The following DCDC2 variants were observed in gnomAD, a reference collection of about 807,000 sequenced individuals.
The protein encoded by DCDC2 is doublecortin domain containing 2, also known as doublecortin domain-containing protein 2.
A neutral mutation model predicts 50.2 loss-of-function variants in DCDC2; 40 were observed. The ratio of observed to expected loss-of-function variants is 0.80; its 90% CI spans 0.62 to 1.04. The LOEUF (loss-of-function observed/expected upper bound fraction) is 1.04. DCDC2 is among the 50% of genes least tolerant of loss of function. The pLI, the probability that DCDC2 is intolerant of heterozygous loss-of-function variation, is 0.00. For synonymous variants in DCDC2, 234 were observed against 210.6 expected, an observed-to-expected ratio of 1.11 and a Z score of -0.96; for missense variants, 570 against 581.9, an observed-to-expected ratio of 0.98 and a Z score of 0.21.
chr6:24,370,950 G>C, the DCDC2 span, among the ~76,000 whole-genome samples: 3 of 152,028 alleles, frequency 2.0e-5, no homozygotes, highest in African/African-American at 7.2e-5. Flanking sequence ...CTACAAACTG[G>C]AAGGTGATAT....
intron 8 of DCDC2, among the ~76,000 whole-genome samples, chr6:24,181,543 T>C: frequency 6.6e-6 from 1 of 152,012 alleles, no homozygotes; most frequent in East Asian, 1.9e-4. Context: ...ACACTAACAA[T>C]GAACAATCTG....
At chr6:24,255,838 T>TG (rs1762888258) in intron 7 of DCDC2, among the ~76,000 whole-genome samples, 2 of 152,154 alleles carry the variant, frequency 1.3e-5, no homozygotes, top group African/African-American at 4.8e-5. Context: ...ATGACCTCTT[T>TG]GGAACAGTGT....
intron 7 of DCDC2, among the ~76,000 whole-genome samples, chr6:24,273,050 T>C (rs2994542): frequency 0.8 from 121,415 of 152,102 alleles, 49,117 homozygotes; most frequent in East Asian, 0.95. Context: ...GGTATGTGTA[T>C]ATAGATGTAG....
chr6:24,174,448 CCTTTA>C lies in DCDC2; in HGVS notation c.*277_*281del, dbSNP rs1374306457. On this transcript the variant is annotated 3_prime_UTR_variant, in exon 10 of 10. Transcript: ENST00000378454. ...CAATAAGAGTGATCCTATTTTTCAT[CCTTTA>C]CAAGTGGCAATTGTCTTCCAGTGCA... The C allele has an allele frequency of 1.9e-5, 4 of 206,818 alleles. No individual in the cohort carries two copies. Among genetic ancestry groups the C allele is most frequent in the Non-Finnish European group, 3.5e-5 (4 of 115,060 alleles). The allele number at this position is 206,818 out of a possible 1,614,324, so 12.8% of individuals were successfully genotyped here. A position where few individuals can be genotyped will look rare whatever the true frequency, so the allele number is the denominator to read the frequency against.
intron 7 of DCDC2, among the ~76,000 whole-genome samples, chr6:24,245,990 A>ATTTATT (rs967788810): frequency 6.6e-6 from 1 of 152,200 alleles, no homozygotes; most frequent in African/African-American, 2.4e-5. Context: ...TAGATTTTTT[A>ATTTATT]TTTATTTTTA....
the DCDC2 span, among the ~76,000 whole-genome samples, chr6:24,377,579 C>G: frequency 6.6e-6 from 1 of 152,094 alleles, no homozygotes; most frequent in Non-Finnish European, 1.5e-5. Flanking sequence ...TACTCAAAAC[C>G]TGATTTTGAA....
intron 8 of DCDC2, among the ~76,000 whole-genome samples, chr6:24,202,724 A>G (rs1761614412): frequency 6.6e-6 from 1 of 152,214 alleles, no homozygotes; most frequent in South Asian, 2.1e-4. Flanking sequence ...ATGATTGTAT[A>G]TCTAGAAAAC....
chr6:24,329,285 T>C (rs1326529140), intron 2 of DCDC2, among the ~76,000 whole-genome samples: 1 of 152,186 alleles, frequency 6.6e-6, no homozygotes, highest in Non-Finnish European at 1.5e-5. Context: ...TTAACCCTCA[T>C]TCCCTTTGCA....
At chr6:24,320,592 A>T (rs1309968193) in intron 2 of DCDC2, among the ~76,000 whole-genome samples, 1 of 152,218 alleles carries the variant, frequency 6.6e-6, no homozygotes, top group Non-Finnish European at 1.5e-5. Flanking sequence ...TTGGCATCCC[A>T]AAGTGCTGGG....
At chr6:24,274,852 TA>T (rs1187816045) in intron 7 of DCDC2, among the ~76,000 whole-genome samples, 1 of 151,938 alleles carries the variant, frequency 6.6e-6, no homozygotes, top group East Asian at 1.9e-4. Context: ...ACTATATAGG[TA>T]AAGAACACTA....
chr6:24,305,564 G>A (rs1330272596), intron 2 of DCDC2, among the ~76,000 whole-genome samples: 1 of 152,150 alleles, frequency 6.6e-6, no homozygotes, highest in Admixed American at 6.5e-5. Flanking sequence ...CAAATCAACT[G>A]GGTATAAGAG....
chr6:24,375,256 G>A, the DCDC2 span, among the ~76,000 whole-genome samples: 1,420 of 152,202 alleles, frequency 9.3e-3, 25 homozygotes, highest in African/African-American at 0.031. Flanking sequence ...CAGAGGCCCC[G>A]TTAGAGTGCA....
chr6:24,339,033 T>C (rs2185598), intron 2 of DCDC2, among the ~76,000 whole-genome samples: 4 of 73,080 alleles, frequency 5.5e-5, no homozygotes, highest in Non-Finnish European at 1.0e-4. Context: ...ATCTCTCACA[T>C]AGTTCCATTC....
chr6:24,300,375 C>T (rs1427700970), intron 4 of DCDC2, among the ~76,000 whole-genome samples: 1 of 152,146 alleles, frequency 6.6e-6, no homozygotes, highest in Non-Finnish European at 1.5e-5. Flanking sequence ...CAGCGAGACC[C>T]TGTCTCAAAA....
At chr6:24,224,596 G>A (rs1762189211) in intron 7 of DCDC2, among the ~76,000 whole-genome samples, 1 of 152,200 alleles carries the variant, frequency 6.6e-6, no homozygotes, top group African/African-American at 2.4e-5. Context: ...TGGGGTGGCA[G>A]AAGCCGGAAG....
chr6:24,236,498 G>A (rs1166473961), intron 7 of DCDC2, among the ~76,000 whole-genome samples: 1 of 152,178 alleles, frequency 6.6e-6, no homozygotes, highest in Non-Finnish European at 1.5e-5. Context: ...AAGAATTTAT[G>A]GCTAAATCCT....
At chr6:24,359,512 T>TTTTATATATATTATATATTTATA (rs1760619397), upstream of DCDC2, among the ~76,000 whole-genome samples, 3 of 103,364 alleles carry the variant, frequency 2.9e-5, no homozygotes, top group African/African-American at 1.2e-4. Context: ...ATTTTATATA[T>TTTTATATATATTATATATTTATA]TATATATATT....
At chr6:24,206,784 G>A (rs1761724608) in intron 7 of DCDC2, among the ~76,000 whole-genome samples, 1 of 152,204 alleles carries the variant, frequency 6.6e-6, no homozygotes, top group Non-Finnish European at 1.5e-5. Flanking sequence ...CAACCATAAG[G>A]ATATAAACAG....
At chr6:24,259,754 A>G (rs1337440391) in intron 7 of DCDC2, among the ~76,000 whole-genome samples, 1 of 152,118 alleles carries the variant, frequency 6.6e-6, no homozygotes, top group African/African-American at 2.4e-5. Context: ...TCCCAGTCTC[A>G]GCAGTCAGAT....
Sources: gnomAD v4.1 joint callset for allele counts (sites outside exome capture counted in the v4.1 genomes callset) on GRCh38, gnomAD v4.1.1 for gene constraint, MANE v1.5 for transcripts, NCBI Gene and HGNC (gene_info 2026-07-23, HGNC 2026-07-21) for gene names.